GPX8: variants seen among roughly 807,000 people sequenced by gnomAD.
GPX8 encodes the protein protein peroxidase GPX8.
In GPX8, 12 loss-of-function variants were observed where a neutral mutation model predicts 17.8. That is an observed-to-expected ratio of 0.67 (90% CI 0.43 to 1.09). The LOEUF is 1.09. GPX8 is among the 50% of genes least tolerant of loss of function. The pLI is 0.00. For missense variants in GPX8, 209 were observed against 235.6 expected, an observed-to-expected ratio of 0.89 and a Z score of 0.74; for synonymous variants, 86 against 88.1, an observed-to-expected ratio of 0.98 and a Z score of 0.14.
At chr5:55,160,906 C>T in intron 1 of GPX8, 88 bp from the exon 2 acceptor site, 1 of 1,365,008 alleles carries the variant, frequency 7.3e-7, no homozygotes, top group African/African-American at 1.5e-5. Flanking sequence ...ATAGTCCCCC[C>T]CAAATTGTTT....
rs1744044085 is a variant in GPX8 at position 55,161,245 on chromosome 5, A to G, written c.456A>G (p.Arg152=). The change falls in exon 2 of 3, where the codon AGA becomes AGG. Residue 152 remains arginine, a synonymous_variant. Coordinates refer to ENST00000503787, the MANE Select transcript of GPX8 (RefSeq NM_001008397.4). Reference sequence around the variant, plus strand: ...GATCTGAAGGAGAACCTGCATTTAGATTTCTTGTTGGTAAATATCTGCCTT... The same window carrying G: ...GATCTGAAGGAGAACCTGCATTTAGGTTTCTTGTTGGTAAATATCTGCCTT... ...ILGSEGEPAF[R]FLVDSSKKEP... is the part of the protein sequence containing the mutation. 2.5e-6 allele frequency: 4 copies of G among 1,613,218 alleles called. No homozygotes were observed. The highest frequency in any genetic ancestry group is 1.3e-5 in the African/African-American group (1 of 74,840).
intron 2 of GPX8, 90 bp downstream of exon 2, chr5:55,161,345 CGTT>C (rs1744051852): frequency 8.0e-7 from 1 of 1,248,900 alleles, no homozygotes. Context: ...TCATTTGAAA[CGTT>C]GTATCGGGAA....
At chr5:55,163,668 G>A (rs1394980199) in intron 2 of GPX8, among the ~76,000 whole-genome samples, 3 of 151,322 alleles carry the variant, frequency 2.0e-5, no homozygotes, top group Admixed American at 6.6e-5. Flanking sequence ...CACCACACCC[G>A]GCTAATTTTT....
At chr5:55,164,026 C>G (rs1744236768) in intron 2 of GPX8, 29 bp from the exon 3 acceptor site, 1 of 1,472,230 alleles carries the variant, frequency 6.8e-7, no homozygotes, top group Non-Finnish European at 9.2e-7. Flanking sequence ...TAAAATTATG[C>G]TCATGAAAAT....
chr5:55,163,831 A>C (rs1744225119), intron 2 of GPX8, among the ~76,000 whole-genome samples: 1 of 149,234 alleles, frequency 6.7e-6, no homozygotes, highest in African/African-American at 2.5e-5. Flanking sequence ...TCTTGATACT[A>C]AGATCACATA....
intron 1 of GPX8, 162 bp downstream of exon 1, chr5:55,160,558 T>G: frequency 1.7e-6 from 1 of 583,204 alleles, no homozygotes; most frequent in Non-Finnish European, 3.0e-6. Context: ...TTCTGATAGT[T>G]TGCTTCTAAA....
Position 55,160,319 on chromosome 5 carries a change from A to C in GPX8, c.127A>C (p.Lys43Gln), listed in dbSNP as rs1743974457. ...FLLQLKFLKP[K>Q]INSFYAFEVK... is the part of the protein sequence containing the mutation. ...TCTACAACTAAAATTCCTCAAACCT[A>C]AAATCAACAGCTTTTATGCCTTTGA... Residue 43 changes from lysine to glutamine, a missense_variant, in exon 1 of 3, where the codon AAA (lysine) becomes CAA (glutamine). Transcript: ENST00000503787. 3 of 1,613,972 alleles carry C rather than the reference A, an allele frequency of 1.9e-6. No homozygotes were observed. The East Asian group carries it at 6.7e-5, about 36-fold the overall frequency.
At chr5:55,163,731 C>G (rs1413835908) in intron 2 of GPX8, among the ~76,000 whole-genome samples, 1 of 151,022 alleles carries the variant, frequency 6.6e-6, no homozygotes, top group Non-Finnish European at 1.5e-5. Flanking sequence ...TGGTCTTAAA[C>G]TCCTGATCTT....
chr5:55,161,706 T>G (rs1561303553), intron 2 of GPX8, among the ~76,000 whole-genome samples: 1 of 152,248 alleles, frequency 6.6e-6, no homozygotes, highest in Non-Finnish European at 1.5e-5. Flanking sequence ...TTCTCAAAGA[T>G]GAATATGTCA....
rs966502644 is a variant in GPX8, at chr5:55,164,800, C to G, written c.*582C>G. ...TTTTGTGTACAGGATTTTGTTTTTTCTTTTTAAGTACAGGTTCCTAGTGTT... is the reference window on the plus strand; with the variant it reads ...TTTTGTGTACAGGATTTTGTTTTTTGTTTTTAAGTACAGGTTCCTAGTGTT... On this transcript the variant is annotated 3_prime_UTR_variant, in exon 3 of 3. Transcript: ENST00000503787. The G allele has an allele frequency of 1.3e-5, 2 of 151,948 alleles. No individual in the cohort carries two copies. The highest frequency in any genetic ancestry group is 6.6e-5 in the Admixed American group (1 of 15,262). The allele number at this position is 151,948 out of a possible 1,614,324, so 9.4% of individuals were successfully genotyped here.
rs905460469 is a variant in GPX8, at chr5:55,165,175, T to C, written c.*957T>C. ...TAGTAAAAGTCAACTCCAAACAGCC[T>C]AAATTCTAGTATAAAAAGGGGGTGA... On this transcript the variant is annotated 3_prime_UTR_variant, in exon 3 of 3. Transcript: ENST00000503787. The C allele has an allele frequency of 6.6e-6, 1 of 152,188 alleles. No homozygotes were observed. The highest frequency in any genetic ancestry group is 1.5e-5 in the Non-Finnish European group (1 of 68,030). The allele number at this position is 152,188 out of a possible 1,614,324, so 9.4% of individuals were successfully genotyped here.
In GPX8 at chr5:55,164,401, A is replaced by ATT; in HGVS notation, c.*191_*192dup. ...ATGCTATTAAATGTGGCAATGAAGG[A>ATT]TTTTTTTTTAATGTTATCTTGCTAT... On this transcript the variant is annotated 3_prime_UTR_variant, in exon 3 of 3. Coordinates refer to ENST00000503787, the MANE Select transcript of GPX8 (RefSeq NM_001008397.4). 1 of 378,764 alleles carries ATT rather than the reference A, an allele frequency of 2.6e-6. No individual in the cohort carries two copies. The highest frequency in any genetic ancestry group is 4.5e-5 in the Admixed American group (1 of 22,322). 23.5% of individuals were successfully genotyped at this position (378,764 alleles called of 1,614,324 possible). A position where few individuals can be genotyped will look rare whatever the true frequency, so the allele number is the denominator to read the frequency against.
intron 2 of GPX8, among the ~76,000 whole-genome samples, chr5:55,162,352 G>A (rs762514200): frequency 1.6e-4 from 24 of 152,102 alleles, no homozygotes; most frequent in African/African-American, 3.6e-4. Flanking sequence ...CTGAAATCGC[G>A]CTACTGCACT....
chr5:55,162,373 C>T lies in GPX8; in HGVS notation c.466+1118C>T, dbSNP rs141419363. ...TCGCGCTACTGCACTCCAGCCTGGG[C>T]GACAGAGCAAGCCTGCATCTTAAAT... is the stretch of plus-strand genomic sequence containing the variant. On this transcript the variant is annotated intron_variant, in intron 2 of 2. Coordinates refer to ENST00000503787, the MANE Select transcript of GPX8 (RefSeq NM_001008397.4). 1.3e-3 allele frequency among the ~76,000 whole-genome samples: 192 copies of T among 152,204 alleles called. 1 individual carries two copies. Among genetic ancestry groups the T allele is most frequent in the Non-Finnish European group, 2.6e-3 (174 of 68,000 alleles).
intron 2 of GPX8, among the ~76,000 whole-genome samples, chr5:55,161,961 C>T (rs1180946509): frequency 6.6e-6 from 1 of 152,084 alleles, no homozygotes; most frequent in East Asian, 1.9e-4. Context: ...GCCTGTTTCT[C>T]ATTTGTAAAA....
chr5:55,162,530 T>C (rs1276446871), intron 2 of GPX8, among the ~76,000 whole-genome samples: 1 of 152,242 alleles, frequency 6.6e-6, no homozygotes, highest in African/African-American at 2.4e-5. Context: ...AAGCTTCTAA[T>C]CCAACAAACC....
In GPX8 at chr5:55,161,011, C is replaced by A. The variant is rs1342210323; in HGVS notation, c.222C>A (p.Asn74Lys). Residue 74 changes from asparagine (N) to lysine (K), a missense_variant, in exon 2 of 3, where the codon AAC becomes AAA. Transcript: ENST00000503787. Reference sequence around the variant, plus strand: ...TCCGGGAGGTTTCACTAGTTGTAAACGTGGCCAGTGACTGCCAACTCACAG... The same window carrying A: ...TCCGGGAGGTTTCACTAGTTGTAAAAGTGGCCAGTGACTGCCAACTCACAG... ...KYKGKVSLVV[N>K]VASDCQLTDR... 3 of 1,612,940 alleles carry A rather than the reference C, an allele frequency of 1.9e-6. No homozygotes were observed. Among genetic ancestry groups the A allele is most frequent in the Non-Finnish European group, 1.7e-6 (2 of 1,179,640 alleles).
At position 55,166,285 on chromosome 5, in the gene GPX8, A is replaced by G. The variant is rs1033773340; in HGVS notation, c.*2067A>G. On this transcript the variant is annotated 3_prime_UTR_variant, in exon 3 of 3. Transcript: ENST00000503787. ...TGTCCCAGTCAACATGATACAGATG[A>G]ACATCCTGCCTTAAGTCACTAGCTC... 1.1e-4 allele frequency: 17 copies of G among 152,256 alleles called. No homozygotes were observed. The highest frequency in any genetic ancestry group is 3.9e-4 in the African/African-American group (16 of 41,454). 9.4% of individuals were successfully genotyped at this position (152,256 alleles called of 1,614,324 possible). A position where few individuals can be genotyped will look rare whatever the true frequency, so the allele number is the denominator to read the frequency against.
intron 1 of GPX8, 56 bp downstream of exon 1, chr5:55,160,452 C>A: frequency 7.1e-7 from 1 of 1,416,722 alleles, no homozygotes; most frequent in Non-Finnish European, 9.8e-7. Flanking sequence ...TCTGTTTATT[C>A]CTCTTAATAA....
Sources: gnomAD v4.1 joint callset for allele counts (sites outside exome capture counted in the v4.1 genomes callset) on GRCh38, gnomAD v4.1.1 for gene constraint, MANE v1.5 for transcripts, NCBI Gene and HGNC (gene_info 2026-07-23, HGNC 2026-07-21) for gene names.